Variants in UBAP1 observed in about 807,000 individuals in gnomAD.
UBAP1 encodes the protein ubiquitin associated protein 1.
In UBAP1, 5 loss-of-function variants were observed where a neutral mutation model predicts 39.0. The ratio of observed to expected loss-of-function variants is 0.13; its 90% CI spans 0.07 to 0.27. The LOEUF (loss-of-function observed/expected upper bound fraction) is 0.27, where lower values mean the gene tolerates loss of function less well. UBAP1 is among the 10% of genes least tolerant of loss of function. UBAP1 has a pLI of 1.00. For missense variants in UBAP1, 490 were observed against 608.1 expected (o/e 0.81, Z 2.04); for synonymous variants, 211 against 225.1 (o/e 0.94, Z 0.56).
intron 4 of UBAP1, among the ~76,000 whole-genome samples, chr9:34,246,714 G>A (rs1834194722): frequency 6.6e-6 from 1 of 152,216 alleles, no homozygotes; most frequent in Non-Finnish European, 1.5e-5. Flanking sequence ...AGACTTGGTA[G>A]AAGCTGTCTT....
At chr9:34,195,932 T>G (rs1458020247) in intron 1 of UBAP1, among the ~76,000 whole-genome samples, 1 of 46,224 alleles carries the variant, frequency 2.2e-5, no homozygotes, top group African/African-American at 7.0e-5. Flanking sequence ...TTTTGGTTTT[T>G]TTTTTTTTTT....
rs1194935558 is a variant in UBAP1, at chr9:34,252,360, A to T, written c.*828A>T. 1 of 152,676 alleles carries T rather than the reference A, an allele frequency of 6.5e-6. No homozygotes were observed. Among genetic ancestry groups the T allele is most frequent in the Non-Finnish European group, 1.5e-5 (1 of 68,056 alleles). The allele number at this position is 152,676 out of a possible 1,614,324, so 9.5% of individuals were successfully genotyped here. A position where few individuals can be genotyped will look rare whatever the true frequency, so the allele number is the denominator to read the frequency against. Reference sequence around the variant, plus strand: ...CCACTGCTTTAGGATGACACAATGAATAACACCTAGTCATAGAAATCAGTC... The same window carrying T: ...CCACTGCTTTAGGATGACACAATGATTAACACCTAGTCATAGAAATCAGTC... On this transcript the variant is annotated 3_prime_UTR_variant, in exon 7 of 7. Transcript: ENST00000297661.
chr9:34,251,322 C>CA lies in UBAP1; in HGVS notation c.1369-69dup, dbSNP rs1189830555. The CA allele has an allele frequency of 3.3e-6, 5 of 1,535,840 alleles. No individual in the cohort carries two copies. In the African/African-American group the frequency reaches 5.4e-5, roughly 17 times the overall value. ...TCTCCCCCAGTCCCCGTCCCACACA[C>CA]ACACTCCTTCACTCAGCTGTGCTGT... On this transcript the variant is annotated intron_variant, in intron 6 of 6. Coordinates refer to ENST00000297661, the MANE Select transcript of UBAP1 (RefSeq NM_016525.5).
At chr9:34,237,779 G>T (rs1354987720) in intron 3 of UBAP1, among the ~76,000 whole-genome samples, 1 of 152,062 alleles carries the variant, frequency 6.6e-6, no homozygotes, top group Non-Finnish European at 1.5e-5. Context: ...TGTTGCCCAG[G>T]CTGGTCTTGA....
intron 4 of UBAP1, among the ~76,000 whole-genome samples, chr9:34,242,550 G>A (rs1269792855): frequency 6.6e-6 from 1 of 151,896 alleles, no homozygotes; most frequent in Non-Finnish European, 1.5e-5. Context: ...TTTTTTTTGA[G>A]ACAGAGTCTT....
intron 1 of UBAP1, among the ~76,000 whole-genome samples, chr9:34,219,400 T>G (rs1428902267): frequency 6.6e-6 from 1 of 152,086 alleles, no homozygotes; most frequent in Non-Finnish European, 1.5e-5. Flanking sequence ...AAACAGAAAC[T>G]TTTCAAGAAA....
At chr9:34,193,317 A>C (rs1269858702) in intron 1 of UBAP1, among the ~76,000 whole-genome samples, 2 of 152,114 alleles carry the variant, frequency 1.3e-5, no homozygotes, top group Non-Finnish European at 2.9e-5. Context: ...TCTCAAAAAA[A>C]TAAAAATAAT....
intron 1 of UBAP1, among the ~76,000 whole-genome samples, chr9:34,190,052 A>C (rs1191632765): frequency 6.6e-6 from 1 of 152,216 alleles, no homozygotes; most frequent in African/African-American, 2.4e-5. Context: ...TAGAAGGGAG[A>C]GGATCAGGAA....
intron 2 of UBAP1, among the ~76,000 whole-genome samples, chr9:34,231,897 C>T (rs1833443181): frequency 6.6e-6 from 1 of 151,886 alleles, no homozygotes; most frequent in Non-Finnish European, 1.5e-5. Context: ...TCCCAAAGTG[C>T]TGGGATTACA....
At chr9:34,229,058 T>C (rs1034469932) in intron 2 of UBAP1, among the ~76,000 whole-genome samples, 8 of 152,154 alleles carry the variant, frequency 5.3e-5, no homozygotes. Context: ...GAAAGGAAAC[T>C]GATTTTTAAA....
At chr9:34,221,447 G>A (rs939275675) in intron 2 of UBAP1, among the ~76,000 whole-genome samples, 4 of 151,344 alleles carry the variant, frequency 2.6e-5, no homozygotes, top group Non-Finnish European at 5.9e-5. Flanking sequence ...GAAGAATGGC[G>A]TGAACCCGGG....
intron 1 of UBAP1, among the ~76,000 whole-genome samples, chr9:34,184,239 G>T (rs1191979391): frequency 2.0e-5 from 3 of 152,064 alleles, no homozygotes; most frequent in Non-Finnish European, 4.4e-5. Flanking sequence ...AGAAATTTTA[G>T]GTGGAAGTAG....
Position 34,195,927 on chromosome 9 carries a change from G to GTTTTTT in UBAP1, c.-8+16719_-8+16724dup, listed in dbSNP as rs57040252. ...TTTGGATTTCTATACAAATTTTTTG[G>GTTTTTT]TTTTTTTTTTTTTTTTTTTTTTTTT... On this transcript the variant is annotated intron_variant, in intron 1 of 6. Transcript: ENST00000297661. Among the ~76,000 whole-genome samples the GTTTTTT allele has an allele frequency of 1.9e-4, 7 of 36,154 alleles. 2 individuals are homozygous for GTTTTTT. Among genetic ancestry groups the GTTTTTT allele is most frequent in the South Asian group, 3.2e-3 (2 of 628 alleles). 23.7% of individuals were successfully genotyped at this position (36,154 alleles called of 152,430 possible).
At chr9:34,220,998 T>A in intron 2 of UBAP1, 50 bp downstream of exon 2, 2 of 1,549,580 alleles carry the variant, frequency 1.3e-6, no homozygotes, top group Non-Finnish European at 1.8e-6. Flanking sequence ...GATCAGAGGA[T>A]TTGGAATCAC....
chr9:34,244,623 T>C (rs1370074516), intron 4 of UBAP1, among the ~76,000 whole-genome samples: 3 of 1,280 alleles, frequency 2.3e-3, no homozygotes, highest in African/African-American at 0.011. Flanking sequence ...CCACCACGCC[T>C]GGCTAATTGT....
At chr9:34,181,168 G>A (rs1436684536) in intron 1 of UBAP1, among the ~76,000 whole-genome samples, 1 of 128,382 alleles carries the variant, frequency 7.8e-6, no homozygotes, top group Non-Finnish European at 1.6e-5. Context: ...AGGCTGGAGT[G>A]CAGTGGCGCA....
At chr9:34,219,171 C>T (rs539057173) in intron 1 of UBAP1, among the ~76,000 whole-genome samples, 6 of 152,146 alleles carry the variant, frequency 3.9e-5, no homozygotes, top group African/African-American at 1.4e-4. Flanking sequence ...TCACTGCAGC[C>T]TTGACTTCCT....
intron 1 of UBAP1, among the ~76,000 whole-genome samples, chr9:34,190,749 A>C (rs1471419472): frequency 9.1e-6 from 1 of 110,414 alleles, no homozygotes. Flanking sequence ...TGATTCTCCT[A>C]CCTCAGCCTC....
Position 34,228,576 on chromosome 9 carries a change from C to A in UBAP1, c.35-5640C>A, listed in dbSNP as rs1283302268. Among the ~76,000 whole-genome samples the A allele has an allele frequency of 6.1e-5, 9 of 146,514 alleles. 1 individual carries two copies. Among genetic ancestry groups the A allele is most frequent in the Non-Finnish European group, 1.4e-4 (9 of 66,602 alleles). On this transcript the variant is annotated intron_variant, in intron 2 of 6. Transcript: ENST00000297661. Reference sequence around the variant, plus strand: ...AATACTGCTTTCTTTGTTTCCCCCCCCCCCTTTTTTTTTTGGAGATGGAGT... The same window carrying A: ...AATACTGCTTTCTTTGTTTCCCCCCACCCCTTTTTTTTTTGGAGATGGAGT...
Sources: gnomAD v4.1 joint callset for allele counts (sites outside exome capture counted in the v4.1 genomes callset) on GRCh38, gnomAD v4.1.1 for gene constraint, MANE v1.5 for transcripts, NCBI Gene and HGNC (gene_info 2026-07-23, HGNC 2026-07-21) for gene names.